The following ABTB2 variants were observed in gnomAD, a reference collection of about 807,000 sequenced individuals.
ABTB2 encodes ankyrin repeat and BTB/POZ domain-containing protein 2.
ABTB2 carries 56 observed loss-of-function variants against 104.1 expected under a neutral mutation model. The observed-to-expected ratio is 0.54, with a 90% CI of 0.43 to 0.67. The LOEUF (loss-of-function observed/expected upper bound fraction) is 0.67, where lower values mean the gene tolerates loss of function less well. Among genes scored for constraint, ABTB2 ranks in the 30% least tolerant of loss-of-function variants. The probability of loss-of-function intolerance (pLI) is 0.00; values close to 1 mark genes in which losing one functional copy is unlikely to be tolerated. For synonymous variants in ABTB2, 606 were observed against 608.2 expected (o/e 1.00, Z 0.05); for missense variants, 1,279 against 1,407.7 (o/e 0.91, Z 1.46).
rs533763614 is a variant in ABTB2, at chr11:34,288,077, AT to A, written c.883+68623del. ...AAATCCATGAAAATTTTCTCTAGCCATTATCTAAATTTTATTTTTCCAGATA... is the reference window on the plus strand; with the variant it reads ...AAATCCATGAAAATTTTCTCTAGCCATATCTAAATTTTATTTTTCCAGATA... On this transcript the variant is annotated intron_variant, in intron 1 of 16. Transcript: ENST00000435224. Among the ~76,000 whole-genome samples, 140 of 152,250 alleles carry A rather than the reference AT, an allele frequency of 9.2e-4. 1 individual carries two copies. Among genetic ancestry groups the A allele is most frequent in the African/African-American group, 3.3e-3 (136 of 41,542 alleles).
intron 1 of ABTB2, among the ~76,000 whole-genome samples, chr11:34,343,718 C>T (rs1164983070): frequency 1.3e-5 from 2 of 151,890 alleles, no homozygotes; most frequent in Non-Finnish European, 2.9e-5. Flanking sequence ...AGGTGATCTG[C>T]CTGCCTTGGC....
intron 1 of ABTB2, among the ~76,000 whole-genome samples, chr11:34,323,084 T>C (rs1379767519): frequency 1.3e-5 from 2 of 152,160 alleles, no homozygotes; most frequent in Non-Finnish European, 2.9e-5. Context: ...TTTTTGTATT[T>C]TTAGTAGAGA....
At chr11:34,250,867 G>C (rs1050872346) in intron 1 of ABTB2, among the ~76,000 whole-genome samples, 4 of 152,188 alleles carry the variant, frequency 2.6e-5, no homozygotes, top group African/African-American at 7.2e-5. Context: ...ATAACTAGGG[G>C]GGTAGAAACC....
intron 1 of ABTB2, among the ~76,000 whole-genome samples, chr11:34,319,887 C>T (rs1421270547): frequency 1.3e-5 from 2 of 152,052 alleles, no homozygotes; most frequent in African/African-American, 4.8e-5. Flanking sequence ...AGGCTGGTCT[C>T]GAACTCCTGA....
intron 1 of ABTB2, among the ~76,000 whole-genome samples, chr11:34,313,901 C>A (rs1854889446): frequency 2.0e-5 from 3 of 152,232 alleles, no homozygotes; most frequent in Admixed American, 2.0e-4. Context: ...CAGCAAGGGA[C>A]TTGCCCCAGC....
At chr11:34,235,997 C>T (rs369616853) in intron 1 of ABTB2, among the ~76,000 whole-genome samples, 21 of 152,292 alleles carry the variant, frequency 1.4e-4, no homozygotes, top group East Asian at 1.4e-3. Flanking sequence ...GCAGGCTGAG[C>T]GCCAGACGGG....
At chr11:34,209,355 T>A (rs955298558) in intron 1 of ABTB2, among the ~76,000 whole-genome samples, 20 of 150,596 alleles carry the variant, frequency 1.3e-4, no homozygotes, top group African/African-American at 4.9e-4. Flanking sequence ...AAAAAAACTT[T>A]TTTTTTCCCC....
chr11:34,237,641 T>C (rs753077865), intron 1 of ABTB2, among the ~76,000 whole-genome samples: 1 of 152,172 alleles, frequency 6.6e-6, no homozygotes, highest in African/African-American at 2.4e-5. Flanking sequence ...ACTTCTGTAA[T>C]CCCAGCACTT....
At position 34,232,460 on chromosome 11, in the gene ABTB2, A is replaced by AC. The variant is rs1267418588; in HGVS notation, c.884-27771_884-27770insG. Among the ~76,000 whole-genome samples, 89 of 147,436 alleles carry AC rather than the reference A, an allele frequency of 6.0e-4. 2 individuals carry two copies. In the South Asian group the frequency reaches 6.8e-3, roughly 11 times the overall value. The stretch of plus-strand genomic sequence containing the variant: ...GGGAGACTCTGTCTCAAAAAAAAAA[A>AC]AAAAAATTGTTCTTAAATGAGACAT... On this transcript the variant is annotated intron_variant, in intron 1 of 16. Transcript: ENST00000435224.
chr11:34,160,204 G>A (rs1565127406), intron 12 of ABTB2, 44 bp downstream of exon 12: 1 of 1,504,466 alleles, frequency 6.6e-7, no homozygotes. Context: ...AGGGAAGAGG[G>A]GGAGGACGTG....
intron 1 of ABTB2, among the ~76,000 whole-genome samples, chr11:34,219,054 T>TTAGA (rs1853583512): frequency 1.1e-4 from 1 of 9,368 alleles, no homozygotes. Context: ...TATACCAAGC[T>TTAGA]TAGTGCTAGG....
At chr11:34,344,434 G>A (rs769114860) in intron 1 of ABTB2, among the ~76,000 whole-genome samples, 1 of 152,182 alleles carries the variant, frequency 6.6e-6, no homozygotes, top group Non-Finnish European at 1.5e-5. Flanking sequence ...GCAAAGAAGG[G>A]CAATATTTCA....
chr11:34,330,488 T>C (rs1174368749), intron 1 of ABTB2, among the ~76,000 whole-genome samples: 2 of 152,244 alleles, frequency 1.3e-5, no homozygotes, highest in Non-Finnish European at 2.9e-5. Context: ...GTAGCTATAA[T>C]AGCTGTGAGA....
rs1852822906 is a variant in ABTB2, at chr11:34,167,909, G to A, written c.1647C>T (p.Asp549=). Reference sequence around the variant, plus strand: ...CTCTGTGGGGCTTCCTCACCTGGATGTCCAAGTTTGCCCCAGCATCAATCA... The same window carrying A: ...CTCTGTGGGGCTTCCTCACCTGGATATCCAAGTTTGCCCCAGCATCAATCA... The part of the protein sequence containing the change: ...QMLIDAGANL[D]IQVPSNSPRH... Residue 549 remains aspartate (D), a synonymous_variant, in exon 6 of 17, where the codon GAC becomes GAT. Transcript: ENST00000435224. The A allele has an allele frequency of 1.2e-5, 20 of 1,614,096 alleles. No homozygotes were observed. Among genetic ancestry groups the A allele is most frequent in the Non-Finnish European group, 1.6e-5 (19 of 1,180,034 alleles).
chr11:34,201,791 T>C (rs1490374256), intron 2 of ABTB2, among the ~76,000 whole-genome samples: 1 of 152,256 alleles, frequency 6.6e-6, no homozygotes, highest in Non-Finnish European at 1.5e-5. Flanking sequence ...TGACACAGCC[T>C]GTTCTCTGGT....
chr11:34,206,824 C>T (rs558558120), intron 1 of ABTB2, among the ~76,000 whole-genome samples: 137 of 152,174 alleles, frequency 9.0e-4, no homozygotes, highest in Non-Finnish European at 1.6e-3. Context: ...ACCCAGGCCT[C>T]CCCGCTCTCC....
intron 1 of ABTB2, among the ~76,000 whole-genome samples, chr11:34,229,259 G>T (rs1383034079): frequency 6.6e-5 from 10 of 151,868 alleles, no homozygotes; most frequent in Non-Finnish European, 1.3e-4. Context: ...GAGGTGGGCG[G>T]ATCACAAAGT....
intron 1 of ABTB2, among the ~76,000 whole-genome samples, chr11:34,342,532 G>A (rs1449898232): frequency 6.6e-6 from 1 of 152,238 alleles, no homozygotes; most frequent in African/African-American, 2.4e-5. Flanking sequence ...GACTAGCTAT[G>A]TCACCTGAAC....
intron 1 of ABTB2, among the ~76,000 whole-genome samples, chr11:34,329,931 G>C (rs770967228): frequency 5.9e-5 from 9 of 152,194 alleles, no homozygotes; most frequent in African/African-American, 7.2e-5. Flanking sequence ...AAATTACTTA[G>C]GAAATGAGAA....
Sources: gnomAD v4.1 joint callset for allele counts (sites outside exome capture counted in the v4.1 genomes callset) on GRCh38, gnomAD v4.1.1 for gene constraint, MANE v1.5 for transcripts, NCBI Gene and HGNC (gene_info 2026-07-23, HGNC 2026-07-21) for gene names.